ABCA8: variants seen among roughly 807,000 people sequenced by gnomAD.
ABCA8 encodes ABC-type organic anion transporter ABCA8.
ABCA8 carries 177 observed loss-of-function variants against 192.3 expected under a neutral mutation model. The ratio of observed to expected loss-of-function variants is 0.92; its 90% confidence interval spans 0.81 to 1.04. The LOEUF is 1.04. ABCA8 is among the 50% of genes least tolerant of loss of function. ABCA8 has a pLI of 0.00. For synonymous variants in ABCA8, 642 were observed against 690.2 expected, an observed-to-expected ratio of 0.93 and a Z score of 1.09; for missense variants, 1,915 against 1,904.8, an observed-to-expected ratio of 1.01 and a Z score of -0.10.
At chr17:68,939,346 C>A (rs192394929) in intron 4 of ABCA8, among the ~76,000 whole-genome samples, 1 of 152,106 alleles carries the variant, frequency 6.6e-6, no homozygotes. Flanking sequence ...TTCCCTTCCT[C>A]TGCTCACATA....
intron 21 of ABCA8, among the ~76,000 whole-genome samples, chr17:68,902,144 A>G (rs1033750788): frequency 2.0e-5 from 3 of 152,260 alleles, no homozygotes; most frequent in Non-Finnish European, 4.4e-5. Context: ...AAATGCTACA[A>G]CATAGATCAA....
chr17:68,887,906 A>G (rs1218565773), intron 24 of ABCA8, among the ~76,000 whole-genome samples: 1 of 60,884 alleles, frequency 1.6e-5, no homozygotes, highest in African/African-American at 9.5e-5. Flanking sequence ...ATATATATAT[A>G]TCCATATATA....
chr17:68,890,162 TC>T (rs1289834931), intron 24 of ABCA8, among the ~76,000 whole-genome samples: 1 of 152,208 alleles, frequency 6.6e-6, no homozygotes, highest in Non-Finnish European at 1.5e-5. Context: ...CAATTTACAA[TC>T]CCACCCACAA....
Position 68,891,486 on chromosome 17 carries a change from T to C in ABCA8, c.3144+3A>G. On this transcript the variant is annotated splice_donor_region_variant and intron_variant, in intron 24 of 39. Transcript: ENST00000586539. ...AATGGAAGTTGCAATTACTCATTAT[T>C]ACCTTATAATCATCGATGCTGCTCA... is the stretch of plus-strand genomic sequence containing the variant. The C allele has an allele frequency of 6.2e-7, 1 of 1,602,276 alleles. No homozygotes were observed. The highest frequency in any genetic ancestry group is 1.1e-5 in the South Asian group (1 of 90,054).
chr17:68,916,564 T>C (rs1007217627), intron 17 of ABCA8, among the ~76,000 whole-genome samples: 3 of 152,186 alleles, frequency 2.0e-5, no homozygotes, highest in African/African-American at 7.2e-5. Context: ...AGTAAAATAA[T>C]GTTAAATATC....
intron 2 of ABCA8, among the ~76,000 whole-genome samples, chr17:68,947,117 TAAAG>T (rs1269251710): frequency 6.6e-6 from 1 of 152,232 alleles, no homozygotes; most frequent in Non-Finnish European, 1.5e-5. Flanking sequence ...TCATGATAAA[TAAAG>T]GTCTGATTAC....
rs539922158 is a variant in ABCA8, at chr17:68,903,150, C to T, written c.2597+151G>A. On this transcript the variant is annotated intron_variant, in intron 20 of 39. Coordinates refer to ENST00000586539, the MANE Select transcript of ABCA8 (RefSeq NM_001288985.2). ...TTGTCCTTTGGATGTCAAGATTCTG[C>T]CTCTCTCCTGTGCTTCTTCCACTGT... 189 of 864,472 alleles carry T rather than the reference C, an allele frequency of 2.2e-4. 3 individuals are homozygous for T. The South Asian group carries it at 2.3e-3, about 11-fold the overall frequency. The allele number at this position is 864,472 out of a possible 1,614,324, so 53.6% of individuals were successfully genotyped here. A position where few individuals can be genotyped will look rare whatever the true frequency, so the allele number is the denominator to read the frequency against.
At chr17:68,924,344 CAA>C (rs71293545) in intron 11 of ABCA8, among the ~76,000 whole-genome samples, 16 of 130,798 alleles carry the variant, frequency 1.2e-4, no homozygotes, top group Admixed American at 1.6e-4. Context: ...AAAATTCCGT[CAA>C]AAAAAAAAAA....
intron 30 of ABCA8, among the ~76,000 whole-genome samples, 184 bp downstream of exon 30, chr17:68,882,415 C>T (rs972282871): frequency 3.9e-5 from 6 of 152,162 alleles, no homozygotes; most frequent in African/African-American, 1.4e-4. Context: ...CTATTGCACT[C>T]TATTTTTAAT....
chr17:68,948,242 A>G (rs1315682070), intron 2 of ABCA8, among the ~76,000 whole-genome samples: 2 of 152,208 alleles, frequency 1.3e-5, no homozygotes, highest in Admixed American at 6.5e-5. Flanking sequence ...AATGATTTAT[A>G]TTCCTTTGGG....
At chr17:68,881,377 C>A (rs1455693546) in intron 31 of ABCA8, among the ~76,000 whole-genome samples, 166 bp from the exon 32 acceptor site, 1 of 152,184 alleles carries the variant, frequency 6.6e-6, no homozygotes, top group Non-Finnish European at 1.5e-5. Context: ...GTAGTTGGGG[C>A]AGAAGCTCTC....
At chr17:68,914,985 C>T (rs561978675) in intron 17 of ABCA8, among the ~76,000 whole-genome samples, 8 of 152,132 alleles carry the variant, frequency 5.3e-5, no homozygotes, top group Non-Finnish European at 1.2e-4. Flanking sequence ...GAAATAAATC[C>T]ATACATCTAC....
intron 1 of ABCA8, among the ~76,000 whole-genome samples, chr17:68,952,208 C>T (rs1399601016): frequency 1.3e-5 from 2 of 152,006 alleles, no homozygotes; most frequent in African/African-American, 4.8e-5. Flanking sequence ...ATCTAATTAT[C>T]CTGGTTATTT....
chr17:68,953,768 T>G (rs900275539), intron 1 of ABCA8, among the ~76,000 whole-genome samples: 2 of 152,204 alleles, frequency 1.3e-5, no homozygotes, highest in Non-Finnish European at 2.9e-5. Flanking sequence ...AATCACATCA[T>G]GTTCTTTGCT....
chr17:68,868,554 T>C (rs931362996), intron 38 of ABCA8, among the ~76,000 whole-genome samples, 198 bp from the exon 39 acceptor site: 2 of 152,208 alleles, frequency 1.3e-5, no homozygotes, highest in Non-Finnish European at 2.9e-5. Context: ...GCTTGAATTA[T>C]GCTTGTATGT....
chr17:68,929,890 A>T (rs2067811843), intron 7 of ABCA8, among the ~76,000 whole-genome samples, 188 bp from the exon 8 acceptor site: 1 of 147,730 alleles, frequency 6.8e-6, no homozygotes, highest in Non-Finnish European at 1.5e-5. Flanking sequence ...CTTTAGAATT[A>T]GGAATATTCT....
At position 68,881,908 on chromosome 17, in the gene ABCA8, T is replaced by C; in HGVS notation, c.3901A>G (p.Lys1301Glu). 1 of 1,614,176 alleles carries C rather than the reference T, an allele frequency of 6.2e-7. No individual in the cohort carries two copies. The highest frequency in any genetic ancestry group is 8.5e-7 in the Non-Finnish European group (1 of 1,179,988). ...ACATTTCTCGTGGCTATCTTATTCT[T>C]CCTCTTGGAAAAACAGCCTTTCCTC... The part of the protein sequence containing the change: ...GKRKGCFSKR[K>E]NKIATRNVSF... The change falls in exon 31 of 40, where the codon AAG (lysine) becomes GAG (glutamate). Residue 1301 changes from lysine (K) to glutamate (E), a missense_variant. Physicochemically the swap from Lys to Glu is moderately conservative, Grantham distance 56. Coordinates refer to ENST00000586539, the MANE Select transcript of ABCA8 (RefSeq NM_001288985.2).
intron 9 of ABCA8, 82 bp downstream of exon 9, chr17:68,928,967 T>C: frequency 3.4e-6 from 4 of 1,183,738 alleles, no homozygotes; most frequent in Admixed American, 3.3e-5. Flanking sequence ...AATGCTGAGT[T>C]TGTAAATGAT....
Position 68,921,394 on chromosome 17 carries a change from C to A in ABCA8, c.1600G>T (p.Val534Phe), listed in dbSNP as rs1026331978. The A allele has an allele frequency of 6.2e-7, 1 of 1,608,278 alleles. No individual in the cohort carries two copies. Among genetic ancestry groups the A allele is most frequent in the Non-Finnish European group, 8.5e-7 (1 of 1,176,506 alleles). ...AACTAGTTTGTACCTTTGGTGGGAA[C>A]AGACAACCCACTAAGAATGTTTAGC... ...TLLNILSGLS[V>F]PTKGSVTIYN... The change falls in exon 13 of 40, where the codon GTT becomes TTT. Residue 534 changes from valine to phenylalanine, a missense_variant. Val to Phe is a conservative substitution (Grantham distance 50, BLOSUM62 -1). Coordinates refer to ENST00000586539, the MANE Select transcript of ABCA8 (RefSeq NM_001288985.2).
Sources: gnomAD v4.1 joint callset for allele counts (sites outside exome capture counted in the v4.1 genomes callset) on GRCh38, gnomAD v4.1.1 for gene constraint, MANE v1.5 for transcripts, NCBI Gene and HGNC (gene_info 2026-07-23, HGNC 2026-07-21) for gene names.